The following HS6ST3 variants were observed in gnomAD, a reference collection of about 807,000 sequenced individuals.
HS6ST3 encodes heparan-sulfate 6-O-sulfotransferase 3.
HS6ST3 carries 12 observed loss-of-function variants against 36.7 expected under a neutral mutation model. That is an observed-to-expected ratio of 0.33 (90% CI 0.21 to 0.53). HS6ST3 has a LOEUF of 0.53. Ranked by LOEUF, HS6ST3 falls within the 20% of genes least tolerant of loss-of-function variation. The probability of loss-of-function intolerance (pLI) is 0.95; values close to 1 mark genes in which losing one functional copy is unlikely to be tolerated. For missense variants in HS6ST3, 584 were observed against 640.9 expected (o/e 0.91, Z 0.96); for synonymous variants, 240 against 257.5 (o/e 0.93, Z 0.65).
intron 1 of HS6ST3, among the ~76,000 whole-genome samples, chr13:96,802,918 C>A (rs7329150): frequency 0.11 from 16,537 of 152,156 alleles, 1,217 homozygotes; most frequent in African/African-American, 0.21. Context: ...TATCAATCTG[C>A]ATATTCAGTT....
At chr13:96,120,680 T>C (rs1420320695) in intron 1 of HS6ST3, among the ~76,000 whole-genome samples, 3 of 152,222 alleles carry the variant, frequency 2.0e-5, no homozygotes, top group African/African-American at 7.2e-5. Context: ...TACTTGGTTT[T>C]TTCTGCTGTG....
intron 1 of HS6ST3, among the ~76,000 whole-genome samples, chr13:96,462,203 A>G (rs923354713): frequency 1.3e-5 from 2 of 152,048 alleles, no homozygotes; most frequent in South Asian, 2.1e-4. Flanking sequence ...CCAAGAAGCT[A>G]GGACAACAAG....
At chr13:96,488,959 T>C (rs957906828) in intron 1 of HS6ST3, among the ~76,000 whole-genome samples, 13 of 151,996 alleles carry the variant, frequency 8.6e-5, no homozygotes, top group Non-Finnish European at 1.9e-4. Context: ...CATGGTATGA[T>C]AGGTTTAATA....
intron 1 of HS6ST3, among the ~76,000 whole-genome samples, chr13:96,360,385 A>G (rs1442368625): frequency 6.6e-6 from 1 of 152,058 alleles, no homozygotes. Context: ...TTAATATTGA[A>G]TCCCTCTAGG....
At chr13:96,616,296 T>C (rs1210480066) in intron 1 of HS6ST3, among the ~76,000 whole-genome samples, 10 of 152,198 alleles carry the variant, frequency 6.6e-5, no homozygotes, top group Admixed American at 6.5e-4. Flanking sequence ...TAAGATTTAT[T>C]GTCACAAATG....
At chr13:96,153,698 C>G (rs1232892138) in intron 1 of HS6ST3, among the ~76,000 whole-genome samples, 1 of 152,092 alleles carries the variant, frequency 6.6e-6, no homozygotes. Flanking sequence ...TTAAAACTAC[C>G]AGTATGAAAA....
intron 1 of HS6ST3, among the ~76,000 whole-genome samples, chr13:96,797,261 T>C (rs557529631): frequency 6.6e-6 from 1 of 152,120 alleles, no homozygotes; most frequent in South Asian, 2.1e-4. Context: ...AGCCATGAGA[T>C]CTGGGGCTAC....
At chr13:96,645,114 G>A (rs1322614713) in intron 1 of HS6ST3, among the ~76,000 whole-genome samples, 2 of 151,838 alleles carry the variant, frequency 1.3e-5, no homozygotes. Context: ...ATCAGAACAT[G>A]GGTTAACCCT....
intron 1 of HS6ST3, among the ~76,000 whole-genome samples, chr13:96,584,615 G>A (rs1457789281): frequency 6.6e-6 from 1 of 152,178 alleles, no homozygotes; most frequent in Non-Finnish European, 1.5e-5. Flanking sequence ...AAGCTAACAT[G>A]TCCCAGGTAC....
chr13:96,793,732 G>A (rs1877846087), intron 1 of HS6ST3, among the ~76,000 whole-genome samples: 2 of 152,036 alleles, frequency 1.3e-5, no homozygotes, highest in Non-Finnish European at 2.9e-5. Context: ...CACATTTGAT[G>A]TCTAATTAAA....
chr13:96,107,426 G>A (rs1198607893), intron 1 of HS6ST3, among the ~76,000 whole-genome samples: 1 of 152,126 alleles, frequency 6.6e-6, no homozygotes, highest in Non-Finnish European at 1.5e-5. Context: ...GAATATTGAT[G>A]TCAAAAATGA....
chr13:96,333,187 A>G (rs2055081352), intron 1 of HS6ST3, among the ~76,000 whole-genome samples: 2 of 152,240 alleles, frequency 1.3e-5, no homozygotes, highest in African/African-American at 2.4e-5. Context: ...GGAAATGGAA[A>G]TGCAGGCATG....
chr13:96,369,662 G>A (rs1443971923), intron 1 of HS6ST3, among the ~76,000 whole-genome samples: 4 of 152,150 alleles, frequency 2.6e-5, no homozygotes, highest in African/African-American at 9.7e-5. Flanking sequence ...ACAAGGGTGA[G>A]GATGGTAGAC....
intron 1 of HS6ST3, among the ~76,000 whole-genome samples, chr13:96,584,030 C>G (rs912937088): frequency 6.6e-6 from 1 of 152,158 alleles, no homozygotes; most frequent in African/African-American, 2.4e-5. Context: ...GCAAACAGCC[C>G]CCTTCCATTT....
At chr13:96,136,576 A>G (rs1237913191) in intron 1 of HS6ST3, among the ~76,000 whole-genome samples, 1 of 151,784 alleles carries the variant, frequency 6.6e-6, no homozygotes, top group Non-Finnish European at 1.5e-5. Flanking sequence ...GTCGCCTCCC[A>G]CCAGGCCCCA....
intron 1 of HS6ST3, among the ~76,000 whole-genome samples, chr13:96,820,800 C>T (rs1353759744): frequency 6.6e-6 from 1 of 152,236 alleles, no homozygotes; most frequent in African/African-American, 2.4e-5. Context: ...TTGTACTTTT[C>T]TTAAATCTCT....
At chr13:96,099,698 T>C (rs1404868699) in intron 1 of HS6ST3, among the ~76,000 whole-genome samples, 1 of 152,238 alleles carries the variant, frequency 6.6e-6, no homozygotes, top group Non-Finnish European at 1.5e-5. Flanking sequence ...TTATGTTTGC[T>C]CCTGCTTTCT....
chr13:96,395,148 C>A (rs2055414527), intron 1 of HS6ST3, among the ~76,000 whole-genome samples: 1 of 152,066 alleles, frequency 6.6e-6, no homozygotes, highest in Admixed American at 6.6e-5. Flanking sequence ...AGACTCTATT[C>A]CTTTTTCCAG....
intron 1 of HS6ST3, among the ~76,000 whole-genome samples, chr13:96,404,750 G>A (rs570786424): frequency 6.6e-6 from 1 of 152,308 alleles, no homozygotes; most frequent in Admixed American, 6.5e-5. Flanking sequence ...AATTAGATCA[G>A]ATAATAGAAT....
Sources: gnomAD v4.1 joint callset for allele counts (sites outside exome capture counted in the v4.1 genomes callset) on GRCh38, gnomAD v4.1.1 for gene constraint, MANE v1.5 for transcripts, NCBI Gene and HGNC (gene_info 2026-07-23, HGNC 2026-07-21) for gene names.